Variants in MBP observed in about 807,000 individuals in gnomAD.
MBP encodes Golli-MBP.
Under a neutral mutation model 35.8 loss-of-function variants are expected in MBP, and 16 were observed. The ratio of observed to expected loss-of-function variants is 0.45; its 90% CI spans 0.30 to 0.68. The LOEUF (loss-of-function observed/expected upper bound fraction) is 0.68. MBP is among the 30% of genes least tolerant of loss of function. The pLI is 0.08. For synonymous variants in MBP, 143 were observed against 159.6 expected, an observed-to-expected ratio of 0.90 and a Z score of 0.78; for missense variants, 380 against 404.7, an observed-to-expected ratio of 0.94 and a Z score of 0.52.
Position 76,988,266 on chromosome 18 carries a change from G to C in MBP, c.750+229C>G. On this transcript the variant is annotated intron_variant, in intron 7 of 8. Coordinates refer to ENST00000355994, the MANE Select transcript of MBP (RefSeq NM_001025101.2). The surrounding 1 kb of genome is among the most constrained non-coding windows in gnomAD (Gnocchi z 5.2). ...GGAGAAGAGGATCTGGCCTTGCAGGGCTGGGTCCCCGGCACAGAAGCAAGA... is the reference window on the plus strand; with the variant it reads ...GGAGAAGAGGATCTGGCCTTGCAGGCCTGGGTCCCCGGCACAGAAGCAAGA... The C allele has an allele frequency of 6.4e-7, 1 of 1,550,740 alleles. No individual in the cohort carries two copies. Among genetic ancestry groups the C allele is most frequent in the Non-Finnish European group, 8.7e-7 (1 of 1,147,100 alleles).
At chr18:77,084,846 C>A (rs1213155149) in intron 2 of MBP, among the ~76,000 whole-genome samples, 1 of 152,120 alleles carries the variant, frequency 6.6e-6, no homozygotes, top group South Asian at 2.1e-4. Flanking sequence ...TGTAACTGGA[C>A]ATACTTCTAT....
At position 76,986,095 on chromosome 18, in the gene MBP, G is replaced by C. The variant is rs1219088433; in HGVS notation, c.751-1201C>G. On this transcript the variant is annotated intron_variant, in intron 7 of 8. Transcript: ENST00000355994. ...GCGCGGTGGACGTTAACAATGGGGG[G>C]CGAAGTGTCCTCCCACGGTGGGTGC... 4.1e-6 allele frequency: 4 copies of C among 985,438 alleles called. No homozygotes were observed. The Admixed American group carries it at 2.5e-4, about 61-fold the overall frequency. 61.0% of individuals were successfully genotyped at this position (985,438 alleles called of 1,614,324 possible). A position where few individuals can be genotyped will look rare whatever the true frequency, so the allele number is the denominator to read the frequency against.
rs1047253367 is a variant in MBP, at chr18:77,124,702, C to T, written c.-26+7878G>A. On this transcript the variant is annotated intron_variant, in intron 1 of 8. Transcript: ENST00000355994. Reference sequence around the variant, plus strand: ...TTGGGGACTTCCTGAGGCTGTTGAGCGGGCAGCCACACTTTACCTCCAGAG... The same window carrying T: ...TTGGGGACTTCCTGAGGCTGTTGAGTGGGCAGCCACACTTTACCTCCAGAG... Among the ~76,000 whole-genome samples the T allele has an allele frequency of 6.6e-5, 10 of 152,262 alleles. No homozygotes were observed. In the East Asian group the frequency reaches 1.5e-3, roughly 24 times the overall value.
chr18:77,014,938 TA>T, intron 4 of MBP: 5 of 983,860 alleles, frequency 5.1e-6, no homozygotes, highest in Non-Finnish European at 6.0e-6. Flanking sequence ...TTTTTATTTT[TA>T]AAATTTTTGA....
At chr18:77,007,785 G>T (rs534012592) in intron 4 of MBP, among the ~76,000 whole-genome samples, 37 of 152,310 alleles carry the variant, frequency 2.4e-4, no homozygotes, top group African/African-American at 8.7e-4. Context: ...GTGTGTCCTG[G>T]AGTGTGAGCC....
chr18:77,052,163 C>T lies in MBP; in HGVS notation c.139+14135G>A, dbSNP rs571377588. 7.2e-5 allele frequency among the ~76,000 whole-genome samples: 11 copies of T among 152,238 alleles called. No homozygotes were observed. The South Asian group carries it at 1.9e-3, about 26-fold the overall frequency. On this transcript the variant is annotated intron_variant, in intron 3 of 8. Coordinates refer to ENST00000355994, the MANE Select transcript of MBP (RefSeq NM_001025101.2). Reference sequence around the variant, plus strand: ...ACCCGACCAGGAACGGGGGAAGGAGCGGGGCGATCCAACAGCCACACAACA... The same window carrying T: ...ACCCGACCAGGAACGGGGGAAGGAGTGGGGCGATCCAACAGCCACACAACA...
intron 3 of MBP, among the ~76,000 whole-genome samples, chr18:77,060,447 CCT>C (rs1491380046): frequency 1.9e-4 from 15 of 77,726 alleles, no homozygotes; most frequent in East Asian, 4.2e-4. Flanking sequence ...CTCTCTCTCT[CCT>C]TTTTTTTTTT....
intron 2 of MBP, chr18:77,067,928 A>G (rs1974264902): frequency 2.2e-6 from 1 of 456,284 alleles, no homozygotes; most frequent in Non-Finnish European, 4.4e-6. Context: ...GTTCCTGGAG[A>G]GAAGTCCAGC....
chr18:77,108,357 C>T (rs1976343802), intron 1 of MBP: 2 of 152,138 alleles, frequency 1.3e-5, no homozygotes, highest in South Asian at 4.1e-4. Context: ...TGAAATGCTG[C>T]AAGGAAAGTC....
intron 8 of MBP, chr18:76,982,504 A>T (rs1969266049): frequency 6.6e-6 from 1 of 152,272 alleles, no homozygotes; most frequent in Admixed American, 6.5e-5. Context: ...ACATGGAAAC[A>T]GGATGCTCCT....
intron 3 of MBP, among the ~76,000 whole-genome samples, chr18:77,028,260 AACCCTG>A: frequency 7.4e-6 from 1 of 135,862 alleles, no homozygotes; most frequent in African/African-American, 2.6e-5. Flanking sequence ...TAATCCATTT[AACCCTG>A]AGTGGACACA....
At chr18:77,052,974 G>A (rs1973563722) in intron 3 of MBP, among the ~76,000 whole-genome samples, 1 of 152,224 alleles carries the variant, frequency 6.6e-6, no homozygotes, top group African/African-American at 2.4e-5. Context: ...ACATGGGTGT[G>A]AGTCCACGCT....
chr18:77,058,209 C>T (rs970904624), intron 3 of MBP, among the ~76,000 whole-genome samples: 1 of 152,292 alleles, frequency 6.6e-6, no homozygotes, highest in East Asian at 1.9e-4. Context: ...CCTCCCCAGC[C>T]CTGGACGTCC....
intron 3 of MBP, among the ~76,000 whole-genome samples, chr18:77,057,414 C>A (rs1209484136): frequency 6.6e-6 from 1 of 152,198 alleles, no homozygotes; most frequent in Non-Finnish European, 1.5e-5. Flanking sequence ...TGCTATTTCA[C>A]AAAATGGGTT....
At chr18:77,104,370 G>C (rs181386995) in intron 2 of MBP, among the ~76,000 whole-genome samples, 1 of 152,336 alleles carries the variant, frequency 6.6e-6, no homozygotes, top group Non-Finnish European at 1.5e-5. Context: ...AGGCAGGCCA[G>C]AGCATGACCC....
At chr18:77,029,437 AGGGAGGGGGAGG>A (rs1382354612) in intron 3 of MBP, among the ~76,000 whole-genome samples, 4 of 23,046 alleles carry the variant, frequency 1.7e-4, no homozygotes, top group Non-Finnish European at 2.4e-4. Context: ...GGAGAGGGAG[AGGGAGGGGGAGG>A]GGGAGGGGGA....
chr18:77,122,834 C>A (rs933400477), intron 1 of MBP, among the ~76,000 whole-genome samples: 2 of 152,188 alleles, frequency 1.3e-5, no homozygotes, highest in Non-Finnish European at 2.9e-5. Context: ...TGAGCCACCG[C>A]GCCCGGCTAG....
At chr18:77,105,129 C>A in intron 2 of MBP, 82 bp downstream of exon 2, 3 of 1,323,876 alleles carry the variant, frequency 2.3e-6, no homozygotes, top group Non-Finnish European at 3.2e-6. Flanking sequence ...AGAGCCCATG[C>A]CCGTAGCCTC....
intron 2 of MBP, among the ~76,000 whole-genome samples, chr18:77,092,511 T>C (rs1278453502): frequency 6.6e-6 from 1 of 152,158 alleles, no homozygotes; most frequent in Non-Finnish European, 1.5e-5. Context: ...TCCGCAGAGA[T>C]GCATCCACTA....
Sources: allele counts gnomAD v4.1 joint callset (sites outside exome capture counted in the v4.1 genomes callset), GRCh38; gene constraint gnomAD v4.1.1; non-coding constraint Gnocchi (gnomAD v3.1); transcripts MANE v1.5; gene names NCBI Gene and HGNC (gene_info 2026-07-23, HGNC 2026-07-21).